Variants in ACOT12 observed in about 807,000 individuals in gnomAD.
The protein encoded by ACOT12 is acetyl-coenzyme A thioesterase.
ACOT12 carries 51 observed loss-of-function variants against 67.7 expected under a neutral mutation model. The ratio of observed to expected loss-of-function variants is 0.75; its 90% confidence interval spans 0.60 to 0.95. ACOT12 has a LOEUF of 0.95. Ranked by LOEUF, ACOT12 falls within the 40% of genes least tolerant of loss-of-function variation. The pLI is 0.00. For missense variants in ACOT12, 734 were observed against 708.1 expected (o/e 1.04, Z -0.41); for synonymous variants, 251 against 244.6 (o/e 1.03, Z -0.24).
At chr5:81,343,414 T>C (rs769889496) in intron 10 of ACOT12, among the ~76,000 whole-genome samples, 4 of 152,228 alleles carry the variant, frequency 2.6e-5, no homozygotes, top group Non-Finnish European at 4.4e-5. Flanking sequence ...GTATGACTGA[T>C]AATCAATGTG....
chr5:81,342,535 G>T (rs1759230194), intron 11 of ACOT12, 137 bp downstream of exon 11: 1 of 818,782 alleles, frequency 1.2e-6, no homozygotes, highest in South Asian at 1.7e-5. Context: ...TGAAAAGATG[G>T]TTGCGTCTTA....
chr5:81,348,382 G>T lies in ACOT12; in HGVS notation c.497-452C>A, dbSNP rs1384633355. Among the ~76,000 whole-genome samples, 3 of 152,152 alleles carry T rather than the reference G, an allele frequency of 2.0e-5. No individual in the cohort carries two copies. In the East Asian group the frequency reaches 5.8e-4, roughly 29 times the overall value. On this transcript the variant is annotated intron_variant, in intron 5 of 14. Coordinates refer to ENST00000307624, the MANE Select transcript of ACOT12 (RefSeq NM_130767.3). Reference sequence around the variant, plus strand: ...ATGCTTTAAATATGGGCCATTCATTGTTTGTCAATTACACCACAATAAAGT... The same window carrying T: ...ATGCTTTAAATATGGGCCATTCATTTTTTGTCAATTACACCACAATAAAGT...
chr5:81,311,367 G>A, the ACOT12 span: 1 of 1,320,284 alleles, frequency 7.6e-7, no homozygotes, highest in Non-Finnish European at 1.1e-6. Context: ...ACTCAATTGG[G>A]ATACTAATGA....
chr5:81,360,740 G>T (rs956214435), intron 4 of ACOT12, among the ~76,000 whole-genome samples: 1 of 152,076 alleles, frequency 6.6e-6, no homozygotes, highest in Non-Finnish European at 1.5e-5. Context: ...AGTCTGGTAC[G>T]GACCCTTGGC....
In ACOT12 at chr5:81,330,128, T is replaced by G. The variant is rs554687862; in HGVS notation, c.*266A>C. Reference sequence around the variant, plus strand: ...TGCCATTTTATAGAACACATAGTACTGCATACAGGCAATTTTCCACTATCT... The same window carrying G: ...TGCCATTTTATAGAACACATAGTACGGCATACAGGCAATTTTCCACTATCT... On this transcript the variant is annotated 3_prime_UTR_variant, in exon 15 of 15. Transcript: ENST00000307624. 4.9e-5 allele frequency: 16 copies of G among 329,360 alleles called. No homozygotes were observed. In the South Asian group the frequency reaches 1.3e-3, roughly 26 times the overall value. The allele number at this position is 329,360 out of a possible 1,614,324, so 20.4% of individuals were successfully genotyped here.
At chr5:81,313,019 A>G in the ACOT12 span, 1 of 153,824 alleles carries the variant, frequency 6.5e-6, no homozygotes, top group African/African-American at 2.4e-5. Context: ...GAACAAATGA[A>G]TTTTTGGTTA....
intron 7 of ACOT12, 37 bp from the exon 8 acceptor site, chr5:81,345,078 T>A: frequency 6.2e-7 from 1 of 1,610,254 alleles, no homozygotes. Flanking sequence ...GCAAAGAGGA[T>A]CTTGACCCAT....
intron 2 of ACOT12, among the ~76,000 whole-genome samples, chr5:81,380,577 AAAAG>A (rs1393586018): frequency 1.6e-5 from 2 of 126,012 alleles, no homozygotes; most frequent in Admixed American, 8.0e-5. Flanking sequence ...AAAAAAAAAA[AAAAG>A]AAAAGAAATC....
At chr5:81,377,374 G>T (rs997831237) in intron 2 of ACOT12, among the ~76,000 whole-genome samples, 3 of 152,104 alleles carry the variant, frequency 2.0e-5, no homozygotes, top group African/African-American at 7.2e-5. Flanking sequence ...GAAACCCACA[G>T]CCAATATAAT....
chr5:81,386,995 A>ATT lies in ACOT12; in HGVS notation c.128-1171_128-1170dup, dbSNP rs869281800. On this transcript the variant is annotated intron_variant, in intron 1 of 14. Coordinates refer to ENST00000307624, the MANE Select transcript of ACOT12 (RefSeq NM_130767.3). ...CCAGACACTGAGTTGGATGAGTTCC[A>ATT]TTTTTTTTTTTTTTTTTTTTTTTCT... is the stretch of plus-strand genomic sequence containing the variant. Among the ~76,000 whole-genome samples, 52 of 81,322 alleles carry ATT rather than the reference A, an allele frequency of 6.4e-4. 3 individuals carry two copies. Among genetic ancestry groups the ATT allele is most frequent in the East Asian group, 1.8e-3 (6 of 3,402 alleles). 53.4% of individuals were successfully genotyped at this position (81,322 alleles called of 152,430 possible).
At chr5:81,312,662 A>G in the ACOT12 span, 1 of 1,602,120 alleles carries the variant, frequency 6.2e-7, no homozygotes, top group Non-Finnish European at 8.6e-7. Flanking sequence ...TTAATTTTTG[A>G]TAACAGCTAG....
chr5:81,343,178 C>T, intron 10 of ACOT12, among the ~76,000 whole-genome samples: 1 of 150,698 alleles, frequency 6.6e-6, no homozygotes, highest in African/African-American at 2.4e-5. Flanking sequence ...CAGAGTGAGA[C>T]TCTGTCTCAA....
chr5:81,361,608 T>A (rs1014101124), intron 4 of ACOT12, among the ~76,000 whole-genome samples: 1 of 152,174 alleles, frequency 6.6e-6, no homozygotes, highest in Non-Finnish European at 1.5e-5. Context: ...ATACCTCGCA[T>A]ATGTTTTGGT....
intron 1 of ACOT12, among the ~76,000 whole-genome samples, chr5:81,387,308 C>A (rs1282136191): frequency 6.6e-6 from 1 of 151,926 alleles, no homozygotes; most frequent in African/African-American, 2.4e-5. Flanking sequence ...TTTAAGCAGT[C>A]CACTCTGTGG....
rs563920659 is a variant in ACOT12, at chr5:81,331,259, C to T, written c.1392-319G>A. 2.8e-4 allele frequency among the ~76,000 whole-genome samples: 42 copies of T among 152,262 alleles called. 1 individual carries two copies. The highest frequency in any genetic ancestry group is 6.8e-3 in the Middle Eastern group (2 of 294). On this transcript the variant is annotated intron_variant, in intron 13 of 14. Coordinates refer to ENST00000307624, the MANE Select transcript of ACOT12 (RefSeq NM_130767.3). Reference sequence around the variant, plus strand: ...TTCCTTTTTAAATTAAAAAACAGGCCGGGTGCAGTGGCTCACGCCTGTAAT... The same window carrying T: ...TTCCTTTTTAAATTAAAAAACAGGCTGGGTGCAGTGGCTCACGCCTGTAAT...
intron 14 of ACOT12, 32 bp downstream of exon 14, chr5:81,330,782 C>T: frequency 3.1e-6 from 5 of 1,604,532 alleles, no homozygotes; most frequent in South Asian, 1.1e-5. Flanking sequence ...CTGGCAGAGC[C>T]AATTAATCTG....
At chr5:81,341,158 A>G (rs928507995) in intron 11 of ACOT12, among the ~76,000 whole-genome samples, 1 of 152,250 alleles carries the variant, frequency 6.6e-6, no homozygotes, top group Admixed American at 6.5e-5. Flanking sequence ...ATAGTAAAAG[A>G]AAACAAAGTA....
chr5:81,364,067 C>CT (rs1187881980), intron 3 of ACOT12, among the ~76,000 whole-genome samples, 178 bp from the exon 4 acceptor site: 8 of 151,904 alleles, frequency 5.3e-5, no homozygotes, highest in Non-Finnish European at 7.4e-5. Flanking sequence ...GGACAATTAG[C>CT]TTTTTTCTGA....
At position 81,345,909 on chromosome 5, in the gene ACOT12, A is replaced by G. The variant is rs1759364909; in HGVS notation, c.749T>C (p.Ile250Thr). 5.0e-6 allele frequency: 8 copies of G among 1,613,864 alleles called. No homozygotes were observed. The highest frequency in any genetic ancestry group is 2.7e-5 in the African/African-American group (2 of 74,924). The change falls in exon 7 of 15, where the codon ATT (isoleucine) becomes ACT (threonine). Residue 250 changes from isoleucine (I) to threonine (T), a missense_variant. By Grantham distance (89) the Ile-to-Thr change is moderately conservative. Coordinates refer to ENST00000307624, the MANE Select transcript of ACOT12 (RefSeq NM_130767.3). ...CCAGGTCTGAAATGTATTGTTGACAATGGCAGTGAAGACAAGACGATCTCC... is the reference window on the plus strand; with the variant it reads ...CCAGGTCTGAAATGTATTGTTGACAGTGGCAGTGAAGACAAGACGATCTCC... ...TVGDRLVFTA[I>T]VNNTFQTCVE... is the part of the protein sequence containing the mutation.
Sources: allele counts gnomAD v4.1 joint callset (sites outside exome capture counted in the v4.1 genomes callset), GRCh38; gene constraint gnomAD v4.1.1; transcripts MANE v1.5; gene names NCBI Gene and HGNC (gene_info 2026-07-23, HGNC 2026-07-21).